The following PPP4R1 variants were observed in gnomAD, a reference collection of about 807,000 sequenced individuals.
The protein encoded by PPP4R1 is protein phosphatase 4 regulatory subunit 1.
Under a neutral mutation model 111.2 loss-of-function variants are expected in PPP4R1, and 42 were observed. That is an observed-to-expected ratio of 0.38 (90% CI 0.29 to 0.49). The LOEUF (loss-of-function observed/expected upper bound fraction) is 0.49. PPP4R1 is among the 20% of genes least tolerant of loss of function. The pLI is 0.97. For synonymous variants in PPP4R1, 409 were observed against 405.5 expected, an observed-to-expected ratio of 1.01 and a Z score of -0.10; for missense variants, 1,012 against 1,161.6, an observed-to-expected ratio of 0.87 and a Z score of 1.87.
At chr18:9,562,672 G>C (rs2066697656) in intron 12 of PPP4R1, among the ~76,000 whole-genome samples, 1 of 152,170 alleles carries the variant, frequency 6.6e-6, no homozygotes, top group African/African-American at 2.4e-5. Flanking sequence ...AAAGCTCTAA[G>C]AACCCTCCTG....
intron 8 of PPP4R1, among the ~76,000 whole-genome samples, chr18:9,584,207 A>G (rs1355506081): frequency 1.3e-5 from 2 of 152,232 alleles, no homozygotes; most frequent in African/African-American, 2.4e-5. Context: ...TATGTCATCA[A>G]CATTCTTGAG....
At chr18:9,558,236 A>G (rs941742349) in intron 14 of PPP4R1, among the ~76,000 whole-genome samples, 1 of 152,138 alleles carries the variant, frequency 6.6e-6, no homozygotes, top group Non-Finnish European at 1.5e-5. Flanking sequence ...CAAGTTCAAC[A>G]TATAAGACAG....
At chr18:9,586,729 C>T (rs1017532602) in intron 6 of PPP4R1, among the ~76,000 whole-genome samples, 1 of 152,034 alleles carries the variant, frequency 6.6e-6, no homozygotes, top group Non-Finnish European at 1.5e-5. Flanking sequence ...TTATTTTAGG[C>T]TTAAGGAGTG....
At chr18:9,569,287 T>C (rs996491266) in intron 11 of PPP4R1, among the ~76,000 whole-genome samples, 2 of 152,142 alleles carry the variant, frequency 1.3e-5, no homozygotes, top group Admixed American at 6.5e-5. Context: ...AACAGAAAGC[T>C]GGAAGCTGTA....
chr18:9,553,498 G>A, intron 15 of PPP4R1, 76 bp from the exon 16 acceptor site: 2 of 914,596 alleles, frequency 2.2e-6, no homozygotes, highest in South Asian at 3.0e-5. Flanking sequence ...CTTAAAAACA[G>A]ACTGTAAGCA....
chr18:9,556,341 T>C lies in PPP4R1; in HGVS notation c.2190+880A>G, dbSNP rs532664645. Among the ~76,000 whole-genome samples the C allele has an allele frequency of 5.2e-3, 795 of 151,650 alleles. 8 individuals are homozygous for C. Among genetic ancestry groups the C allele is most frequent in the Admixed American group, 0.012 (188 of 15,266 alleles). ...CTGAGTGGCTGAGACTACAGGTGCC[T>C]ACCACCACGCCCAGCTAATTTTTTG... On this transcript the variant is annotated intron_variant, in intron 15 of 19. Transcript: ENST00000400556.
chr18:9,592,849 G>A (rs1351189299), intron 4 of PPP4R1, among the ~76,000 whole-genome samples: 2 of 152,000 alleles, frequency 1.3e-5, no homozygotes, highest in Admixed American at 6.6e-5. Flanking sequence ...TAAAAATTAT[G>A]CTTGATGAGA....
At chr18:9,605,566 C>CAAAA (rs34208690) in intron 2 of PPP4R1, among the ~76,000 whole-genome samples, 3 of 67,636 alleles carry the variant, frequency 4.4e-5, no homozygotes, top group African/African-American at 5.9e-5. Flanking sequence ...GCAGTCCTGT[C>CAAAA]AAAAAAAAAA....
chr18:9,608,074 G>A (rs755314750), intron 2 of PPP4R1, among the ~76,000 whole-genome samples: 3 of 152,124 alleles, frequency 2.0e-5, no homozygotes, highest in Non-Finnish European at 4.4e-5. Context: ...ATAAGCCACC[G>A]CACCGGGCTG....
intron 8 of PPP4R1, 32 bp downstream of exon 8, chr18:9,584,483 A>C: frequency 6.4e-7 from 1 of 1,574,134 alleles, no homozygotes; most frequent in African/African-American, 1.4e-5. Context: ...TGTAACACAC[A>C]CTGTTTACTC....
chr18:9,560,336 G>A, intron 13 of PPP4R1, among the ~76,000 whole-genome samples: 1 of 152,056 alleles, frequency 6.6e-6, no homozygotes, highest in East Asian at 1.9e-4. Context: ...ATTATTTCTA[G>A]AAAATTGAAG....
intron 2 of PPP4R1, among the ~76,000 whole-genome samples, chr18:9,605,566 C>CAAAAAAAAAAAAAAAAAAAA (rs34208690): frequency 4.4e-5 from 3 of 67,640 alleles, no homozygotes; most frequent in Admixed American, 4.0e-4. Context: ...GCAGTCCTGT[C>CAAAAAAAAAAAAAAAAAAAA]AAAAAAAAAA....
At chr18:9,569,781 C>T (rs1332889188) in intron 11 of PPP4R1, among the ~76,000 whole-genome samples, 1 of 152,098 alleles carries the variant, frequency 6.6e-6, no homozygotes, top group East Asian at 1.9e-4. Flanking sequence ...CAAGCTGCTG[C>T]ATGATCCTTT....
chr18:9,549,057 C>CG, intron 19 of PPP4R1, 140 bp downstream of exon 19: 1 of 1,098,194 alleles, frequency 9.1e-7, no homozygotes, highest in Non-Finnish European at 1.3e-6. Flanking sequence ...GGAGAATCAC[C>CG]GGAACAACTA....
chr18:9,595,072 A>C lies in PPP4R1; in HGVS notation c.134T>G (p.Leu45Trp). The change falls in exon 3 of 20, where the codon TTG (leucine) becomes TGG (tryptophan). Residue 45 changes from leucine to tryptophan, a missense_variant. Leu to Trp is a moderately conservative substitution (Grantham distance 61, BLOSUM62 -2). Coordinates refer to ENST00000400556, the MANE Select transcript of PPP4R1 (RefSeq NM_001042388.3). ...CTTGTCCAATCTCCCCAGGGGCGTCAACATTTCATCTTGTGAGACAAAGTC... is the reference window on the plus strand; with the variant it reads ...CTTGTCCAATCTCCCCAGGGGCGTCCACATTTCATCTTGTGAGACAAAGTC... Reference protein sequence around the residue: ...ALDFVSQDEMLTPLGRLDKYA... With the variant: ...ALDFVSQDEMWTPLGRLDKYA... 6.2e-7 allele frequency: 1 copy of C among 1,614,062 alleles called. No homozygotes were observed. Among genetic ancestry groups the C allele is most frequent in the Non-Finnish European group, 8.5e-7 (1 of 1,179,954 alleles).
intron 8 of PPP4R1, 138 bp from the exon 9 acceptor site, chr18:9,583,413 C>T: frequency 1.1e-6 from 1 of 920,108 alleles, no homozygotes; most frequent in Non-Finnish European, 1.5e-6. Context: ...TTTGCCCAGG[C>T]TGGAGTGAGG....
chr18:9,579,547 T>TGTGTGC (rs774398529), intron 9 of PPP4R1, among the ~76,000 whole-genome samples: 15 of 150,920 alleles, frequency 9.9e-5, no homozygotes, highest in African/African-American at 3.4e-4. Flanking sequence ...TGTGTGTGTG[T>TGTGTGC]AAAATAGGCA....
chr18:9,607,360 C>CA (rs34996836), intron 2 of PPP4R1, among the ~76,000 whole-genome samples: 32,056 of 138,720 alleles, frequency 0.23, 3,721 homozygotes, highest in Non-Finnish European at 0.27. Flanking sequence ...GACCCTGTCT[C>CA]AAAAAAAAAA....
intron 6 of PPP4R1, chr18:9,587,381 T>TCTTC (rs1255149117): frequency 4.0e-5 from 6 of 149,032 alleles, no homozygotes; most frequent in Non-Finnish European, 8.9e-5. Context: ...GCCTTTTCTT[T>TCTTC]CTTTCTTTCT....
Sources: gnomAD v4.1 joint callset for allele counts (sites outside exome capture counted in the v4.1 genomes callset) on GRCh38, gnomAD v4.1.1 for gene constraint, MANE v1.5 for transcripts, NCBI Gene and HGNC (gene_info 2026-07-23, HGNC 2026-07-21) for gene names.